SOD1: variants seen among roughly 807,000 people sequenced by gnomAD.
The protein encoded by SOD1 is superoxide dismutase [Cu-Zn].
In SOD1, 8 loss-of-function variants were observed where a neutral mutation model predicts 15.9. The observed-to-expected ratio is 0.50, with a 90% confidence interval of 0.30 to 0.91. The LOEUF (loss-of-function observed/expected upper bound fraction) is 0.91, where lower values mean the gene tolerates loss of function less well. Ranked by LOEUF, SOD1 falls within the 40% of genes least tolerant of loss-of-function variation. SOD1 has a pLI of 0.07. For synonymous variants in SOD1, 86 were observed against 71.2 expected (o/e 1.21, Z -1.04); for missense variants, 137 against 194.5 (o/e 0.70, Z 1.76).
chr21:31,666,194 A>C (rs1299487186), intron 2 of SOD1, among the ~76,000 whole-genome samples: 1 of 151,958 alleles, frequency 6.6e-6, no homozygotes, highest in Non-Finnish European at 1.5e-5. Flanking sequence ...GGCTGGTCTC[A>C]AACTCCTGAC....
intron 1 of SOD1, among the ~76,000 whole-genome samples, chr21:31,663,400 A>G (rs2049566085): frequency 6.6e-6 from 1 of 152,212 alleles, no homozygotes; most frequent in South Asian, 2.1e-4. Flanking sequence ...AACCTATTCA[A>G]AAGTATTTAC....
intron 2 of SOD1, among the ~76,000 whole-genome samples, chr21:31,665,576 G>A (rs990525487): frequency 6.6e-6 from 1 of 152,172 alleles, no homozygotes; most frequent in Admixed American, 6.5e-5. Flanking sequence ...AGACAGCCGT[G>A]TTATGAAAGG....
intron 3 of SOD1, 51 bp from the exon 4 acceptor site, chr21:31,667,207 T>A (rs2049601425): frequency 1.4e-6 from 2 of 1,395,710 alleles, no homozygotes; most frequent in African/African-American, 2.8e-5. Flanking sequence ...TGAACTACCT[T>A]GATGTTTAGT....
At chr21:31,659,921 C>A in intron 1 of SOD1, 80 bp downstream of exon 1, 1 of 1,459,728 alleles carries the variant, frequency 6.9e-7, no homozygotes, top group Non-Finnish European at 9.5e-7. Flanking sequence ...AGGAGCGGGT[C>A]GCCCGCCAGG....
intron 2 of SOD1, among the ~76,000 whole-genome samples, chr21:31,664,803 AGAGACGGG>A (rs1342096076): frequency 6.6e-6 from 1 of 152,080 alleles, no homozygotes; most frequent in Admixed American, 6.5e-5. Flanking sequence ...TATTTTTAGT[AGAGACGGG>A]GTTTCACTGT....
chr21:31,668,784 G>A lies in SOD1; in HGVS notation c.*206G>A. ...TAGTTTTATAAAACTCAGTTAAAAT[G>A]TCTGTTTCAATGACCTGTATTTTGC... On this transcript the variant is annotated 3_prime_UTR_variant, in exon 5 of 5. Coordinates refer to ENST00000270142, the MANE Select transcript of SOD1 (RefSeq NM_000454.5). 1.8e-6 allele frequency: 1 copy of A among 555,636 alleles called. No individual in the cohort carries two copies. 34.4% of individuals were successfully genotyped at this position (555,636 alleles called of 1,614,324 possible). A position where few individuals can be genotyped will look rare whatever the true frequency, so the allele number is the denominator to read the frequency against.
At chr21:31,660,688 C>G (rs4816405) in intron 1 of SOD1, 17,613 of 152,240 alleles carry the variant, frequency 0.12, 1,699 homozygotes, top group East Asian at 0.52. Flanking sequence ...CCAATTACAT[C>G]AAAACCTGTC....
chr21:31,661,289 T>C (rs934110261), intron 1 of SOD1, among the ~76,000 whole-genome samples: 3 of 152,212 alleles, frequency 2.0e-5, no homozygotes, highest in Admixed American at 6.5e-5. Flanking sequence ...TTCTTTGGCA[T>C]TTGACTCCAT....
chr21:31,664,174 T>C, intron 2 of SOD1: 1 of 380,258 alleles, frequency 2.6e-6, no homozygotes, highest in Non-Finnish European at 5.1e-6. Flanking sequence ...GGTTTCATCA[T>C]GTTGCCCAGG....
intron 1 of SOD1, 96 bp from the exon 2 acceptor site, chr21:31,663,694 A>G: frequency 1.0e-6 from 1 of 979,762 alleles, no homozygotes; most frequent in Non-Finnish European, 1.6e-6. Flanking sequence ...TTCCACTCCC[A>G]AGTCTGGCTG....
chr21:31,660,939 G>C (rs2049543564), intron 1 of SOD1, among the ~76,000 whole-genome samples: 1 of 152,210 alleles, frequency 6.6e-6, no homozygotes, highest in Non-Finnish European at 1.5e-5. Context: ...TGCTAAGATG[G>C]TCAGAGACAA....
chr21:31,662,855 A>G (rs999692387), intron 1 of SOD1, among the ~76,000 whole-genome samples: 3 of 152,152 alleles, frequency 2.0e-5, no homozygotes, highest in Non-Finnish European at 4.4e-5. Context: ...TCTACTAAAA[A>G]TGCAAAAAAA....
At position 31,660,052 on chromosome 21, in the gene SOD1, G is replaced by C. The variant is rs2049534501; in HGVS notation, c.72+211G>C. The C allele has an allele frequency of 1.1e-5, 3 of 283,800 alleles. No homozygotes were observed. In the South Asian group the frequency reaches 4.5e-4, roughly 42 times the overall value. 17.6% of individuals were successfully genotyped at this position (283,800 alleles called of 1,614,324 possible). A position where few individuals can be genotyped will look rare whatever the true frequency, so the allele number is the denominator to read the frequency against. On this transcript the variant is annotated intron_variant, in intron 1 of 4. Transcript: ENST00000270142. ...CGGGCGGGCCCGGGCGCGGGGCGTG[G>C]GACCGAGGCCGCCGCGGGGCTGGGC...
rs556141480 is a variant in SOD1 at position 31,668,612 on chromosome 21, C to A, written c.*34C>A. 1.1e-5 allele frequency: 16 copies of A among 1,403,086 alleles called. 1 individual carries two copies. The South Asian group carries it at 1.8e-4, about 16-fold the overall frequency. 86.9% of individuals were successfully genotyped at this position (1,403,086 alleles called of 1,614,324 possible). Reference sequence around the variant, plus strand: ...TTGGATGTAGTCTGAGGCCCCTTAACTCATCTGTTATCCTGCTAGCTGTAG... The same window carrying A: ...TTGGATGTAGTCTGAGGCCCCTTAAATCATCTGTTATCCTGCTAGCTGTAG... On this transcript the variant is annotated 3_prime_UTR_variant, in exon 5 of 5. Transcript: ENST00000270142.
chr21:31,663,992 G>T, intron 2 of SOD1, 106 bp downstream of exon 2: 1 of 851,540 alleles, frequency 1.2e-6, no homozygotes, highest in South Asian at 1.4e-5. Context: ...TTGTTTTTGA[G>T]AAAGGGTCTT....
At chr21:31,663,970 C>G in intron 2 of SOD1, 84 bp downstream of exon 2, 2 of 1,054,972 alleles carry the variant, frequency 1.9e-6, no homozygotes, top group Non-Finnish European at 2.9e-6. Context: ...GTTAAAACCC[C>G]TCAACTTGTT....
chr21:31,664,146 A>G (rs1046734152), intron 2 of SOD1, among the ~76,000 whole-genome samples: 5 of 151,364 alleles, frequency 3.3e-5, no homozygotes, highest in Admixed American at 1.3e-4. Context: ...TAATTTTTGT[A>G]TTTTTTTCTA....
intron 3 of SOD1, 119 bp from the exon 4 acceptor site, chr21:31,667,139 A>G (rs549304039): frequency 2.7e-6 from 2 of 732,920 alleles, no homozygotes; most frequent in Admixed American, 2.0e-5. Flanking sequence ...TGTATTTAGA[A>G]TGCCTAGCTA....
At chr21:31,660,001 G>A in intron 1 of SOD1, 160 bp downstream of exon 1, 1 of 611,264 alleles carries the variant, frequency 1.6e-6, no homozygotes, top group Non-Finnish European at 2.6e-6. Flanking sequence ...CGCCCCCAGC[G>A]GTGCGGTGCC....
Sources: gnomAD v4.1 joint callset for allele counts (sites outside exome capture counted in the v4.1 genomes callset) on GRCh38, gnomAD v4.1.1 for gene constraint, MANE v1.5 for transcripts, NCBI Gene and HGNC (gene_info 2026-07-23, HGNC 2026-07-21) for gene names.